The following UBE3C variants were observed in gnomAD, a reference collection of about 807,000 sequenced individuals.
UBE3C encodes the protein ubiquitin-protein ligase E3C.
A neutral mutation model predicts 129.4 loss-of-function variants in UBE3C; 42 were observed. The observed-to-expected ratio is 0.32, with a 90% CI of 0.25 to 0.42. The LOEUF is 0.42. Among genes scored for constraint, UBE3C ranks in the 10% least tolerant of loss-of-function variants. The pLI, the probability that UBE3C is intolerant of heterozygous loss-of-function variation, is 1.00. For missense variants in UBE3C, 1,049 were observed against 1,319.1 expected, an observed-to-expected ratio of 0.80 and a Z score of 3.17; for synonymous variants, 510 against 492.4, an observed-to-expected ratio of 1.04 and a Z score of -0.47.
intron 22 of UBE3C, among the ~76,000 whole-genome samples, chr7:157,265,225 C>T (rs1009527771): frequency 6.6e-6 from 1 of 152,184 alleles, no homozygotes; most frequent in Non-Finnish European, 1.5e-5. Context: ...GAAGGGCTGA[C>T]CTAGCTAGGT....
chr7:157,216,604 T>C (rs1179852317), intron 13 of UBE3C, among the ~76,000 whole-genome samples: 2 of 152,148 alleles, frequency 1.3e-5, no homozygotes, highest in East Asian at 3.9e-4. Flanking sequence ...GTTTCAAAGC[T>C]TAATCGCCAC....
At chr7:157,223,159 C>G in intron 15 of UBE3C, 95 bp from the exon 16 acceptor site, 2 of 1,286,214 alleles carry the variant, frequency 1.6e-6, no homozygotes, top group Non-Finnish European at 2.2e-6. Flanking sequence ...ATGAGTTAAT[C>G]AGGATGATTT....
chr7:157,223,452 C>T (rs753227369), intron 16 of UBE3C, 101 bp downstream of exon 16: 6 of 985,842 alleles, frequency 6.1e-6, no homozygotes, highest in Middle Eastern at 2.8e-4. Flanking sequence ...TAGTGCCTGG[C>T]TGATTACATA....
chr7:157,257,480 T>C (rs1286134405), intron 22 of UBE3C, among the ~76,000 whole-genome samples: 1 of 152,192 alleles, frequency 6.6e-6, no homozygotes, highest in African/African-American at 2.4e-5. Context: ...TTTGGCTTAT[T>C]TTTAGCAATT....
chr7:157,260,581 A>C (rs1700422417), intron 22 of UBE3C, among the ~76,000 whole-genome samples: 1 of 152,222 alleles, frequency 6.6e-6, no homozygotes, highest in Non-Finnish European at 1.5e-5. Context: ...TAAAGATTTT[A>C]ATGCCATTTG....
At chr7:157,204,069 A>G (rs1809362480) in intron 11 of UBE3C, among the ~76,000 whole-genome samples, 1 of 152,222 alleles carries the variant, frequency 6.6e-6, no homozygotes, top group Admixed American at 6.5e-5. Flanking sequence ...TGGTTTATGG[A>G]TACTCGAAGT....
chr7:157,170,512 G>C, intron 4 of UBE3C, 62 bp downstream of exon 4: 1 of 1,414,522 alleles, frequency 7.1e-7, no homozygotes, highest in Non-Finnish European at 9.3e-7. Context: ...TTTGTTTAAA[G>C]TGGAAATGGC....
At chr7:157,266,235 A>G (rs962251585) in intron 22 of UBE3C, among the ~76,000 whole-genome samples, 2 of 152,136 alleles carry the variant, frequency 1.3e-5, no homozygotes, top group African/African-American at 4.8e-5. Context: ...AATGGCGTGA[A>G]CCCGGGAGGC....
At position 157,207,832 on chromosome 7, in the gene UBE3C, GAGA is replaced by G; in HGVS notation, c.1711_1713del (p.Glu571del). On this transcript the variant is annotated inframe_deletion, in exon 13 of 23. Transcript: ENST00000348165. The stretch of plus-strand genomic sequence containing the variant: ...TATCCAGAAACCAAGCCAGAAGTTC[GAGA>G]AGAATATATTACAGCATTTCAGAGT... 2 of 1,614,028 alleles carry G rather than the reference GAGA, an allele frequency of 1.2e-6. No individual in the cohort carries two copies. The highest frequency in any genetic ancestry group is 2.2e-5 in the East Asian group (1 of 44,876).
rs1259241533 is a variant in UBE3C, at chr7:157,254,277, C to G, written c.2917C>G (p.Leu973Val). The G allele has an allele frequency of 6.2e-7, 1 of 1,613,324 alleles. No individual in the cohort carries two copies. Among genetic ancestry groups the G allele is most frequent in the Non-Finnish European group, 8.5e-7 (1 of 1,179,834 alleles). ...TTCTGGTGCACAAGTTCCCATAAGC[C>G]TAGAGGACCTAAAATCCTTTACAAA... is the stretch of plus-strand genomic sequence containing the variant. Reference protein sequence around the residue: ...LISGAQVPISLEDLKSFTNYS... With the variant: ...LISGAQVPISVEDLKSFTNYS... Residue 973 changes from leucine (L) to valine (V), a missense_variant, in exon 21 of 23, where the codon CTA (leucine) becomes GTA (valine). Transcript: ENST00000348165.
chr7:157,183,491 G>A (rs1277263796), intron 8 of UBE3C, among the ~76,000 whole-genome samples: 1 of 152,134 alleles, frequency 6.6e-6, no homozygotes, highest in Non-Finnish European at 1.5e-5. Flanking sequence ...TTCTTCTCCA[G>A]TGTCCCTCCC....
Position 157,267,725 on chromosome 7 carries a change from T to C in UBE3C, c.3222T>C (p.Ile1074=). 6.2e-7 allele frequency: 1 copy of C among 1,611,290 alleles called. No individual in the cohort carries two copies. Among genetic ancestry groups the C allele is most frequent in the South Asian group, 1.1e-5 (1 of 90,578 alleles). The change falls in exon 23 of 23, where the codon ATT becomes ATC. Residue 1074 remains isoleucine (I), a synonymous_variant. Coordinates refer to ENST00000348165, the MANE Select transcript of UBE3C (RefSeq NM_014671.3). ...TLLRSKLLYA[I]ECAAGFELS ...TGCGAAGTAAACTTCTCTATGCGAT[T>C]GAATGTGCCGCTGGCTTTGAGCTGA...
intron 10 of UBE3C, among the ~76,000 whole-genome samples, chr7:157,199,295 G>A (rs11979099): frequency 0.01 from 1,564 of 151,876 alleles, 25 homozygotes; most frequent in African/African-American, 0.035. Context: ...TGACTGTTGC[G>A]TATTCTTAGC....
intron 10 of UBE3C, among the ~76,000 whole-genome samples, chr7:157,189,893 A>T (rs1239793593): frequency 6.6e-6 from 1 of 152,048 alleles, no homozygotes; most frequent in Non-Finnish European, 1.5e-5. Context: ...CTCCACCTCC[A>T]GGGTTCAAGC....
At chr7:157,263,931 A>G (rs1009828652) in intron 22 of UBE3C, among the ~76,000 whole-genome samples, 2 of 151,978 alleles carry the variant, frequency 1.3e-5, no homozygotes, top group Admixed American at 6.6e-5. Flanking sequence ...TAATGTAGAT[A>G]TGCATAATTT....
chr7:157,149,111 C>CA (rs201679814), intron 1 of UBE3C, among the ~76,000 whole-genome samples: 2,058 of 152,270 alleles, frequency 0.014, 39 homozygotes, highest in African/African-American at 0.047. Context: ...GGCTGGAGTG[C>CA]AATGGCTCAA....
At chr7:157,147,466 T>G (rs879763725) in intron 1 of UBE3C, among the ~76,000 whole-genome samples, 2 of 152,216 alleles carry the variant, frequency 1.3e-5, no homozygotes, top group Non-Finnish European at 2.9e-5. Flanking sequence ...ATCATTTCAT[T>G]TGCAACCAAA....
chr7:157,150,390 A>G (rs958849073), intron 1 of UBE3C, among the ~76,000 whole-genome samples: 2 of 152,036 alleles, frequency 1.3e-5, no homozygotes, highest in Non-Finnish European at 1.5e-5. Context: ...AAAAAAAAAA[A>G]GAGTCTAACA....
At chr7:157,148,545 T>C (rs1807668735) in intron 1 of UBE3C, among the ~76,000 whole-genome samples, 1 of 152,066 alleles carries the variant, frequency 6.6e-6, no homozygotes, top group Non-Finnish European at 1.5e-5. Flanking sequence ...CCCTCTATTA[T>C]ATAATTGAAG....
Sources: allele counts gnomAD v4.1 joint callset (sites outside exome capture counted in the v4.1 genomes callset), GRCh38; gene constraint gnomAD v4.1.1; transcripts MANE v1.5; gene names NCBI Gene and HGNC (gene_info 2026-07-23, HGNC 2026-07-21).